PACRG: variants seen among roughly 807,000 people sequenced by gnomAD.
PACRG encodes parkin coregulated gene protein.
In PACRG, 29 loss-of-function variants were observed where a neutral mutation model predicts 29.7. The observed-to-expected ratio is 0.98, with a 90% CI of 0.73 to 1.33. PACRG has a LOEUF of 1.33. Ranked by LOEUF, PACRG falls within the 40% of genes most tolerant of loss-of-function variation. PACRG has a pLI of 0.00. For synonymous variants in PACRG, 116 were observed against 118.7 expected (o/e 0.98, Z 0.15); for missense variants, 279 against 316.2 (o/e 0.88, Z 0.89).
At chr6:162,776,585 G>A (rs1783660595) in intron 1 of PACRG, among the ~76,000 whole-genome samples, 1 of 152,178 alleles carries the variant, frequency 6.6e-6, no homozygotes, top group South Asian at 2.1e-4. Flanking sequence ...CCTGCCCTGG[G>A]CCTCAACATC....
intron 1 of PACRG, among the ~76,000 whole-genome samples, chr6:162,755,099 C>G (rs911572228): frequency 4.5e-4 from 68 of 152,136 alleles, no homozygotes; most frequent in African/African-American, 1.6e-3. Flanking sequence ...ATACTGGTTT[C>G]TTATGATCCT....
intron 2 of PACRG, among the ~76,000 whole-genome samples, chr6:162,984,900 G>C (rs2128176615): frequency 6.6e-6 from 1 of 151,182 alleles, no homozygotes; most frequent in Middle Eastern, 3.4e-3. Flanking sequence ...TGTGGATTCT[G>C]GATATTCATC....
At chr6:163,054,972 G>C (rs1049254042) in intron 2 of PACRG, among the ~76,000 whole-genome samples, 1 of 152,130 alleles carries the variant, frequency 6.6e-6, no homozygotes, top group African/African-American at 2.4e-5. Context: ...GCCAGTGTTG[G>C]GGGTACAACT....
intron 2 of PACRG, among the ~76,000 whole-genome samples, chr6:162,995,937 C>G (rs1430473027): frequency 6.6e-6 from 1 of 152,088 alleles, no homozygotes; most frequent in Non-Finnish European, 1.5e-5. Flanking sequence ...GATTTCAATT[C>G]CTTTGAATAT....
intron 2 of PACRG, among the ~76,000 whole-genome samples, chr6:162,910,579 A>G (rs894439319): frequency 2.0e-5 from 3 of 152,252 alleles, no homozygotes; most frequent in Admixed American, 6.5e-5. Context: ...AAAAACCATT[A>G]TATTAAACCT....
At chr6:162,909,280 G>T (rs1212199359) in intron 2 of PACRG, among the ~76,000 whole-genome samples, 1 of 152,046 alleles carries the variant, frequency 6.6e-6, no homozygotes. Context: ...CCTTGGCCAG[G>T]CGCGGGGGCT....
rs1346484853 is a variant in PACRG at position 162,747,470 on chromosome 6, A to G, written c.156+19079A>G. Among the ~76,000 whole-genome samples the G allele has an allele frequency of 6.1e-5, 3 of 48,904 alleles. 1 individual carries two copies. The highest frequency in any genetic ancestry group is 1.1e-4 in the Non-Finnish European group (3 of 27,372). 32.1% of individuals were successfully genotyped at this position (48,904 alleles called of 152,430 possible). On this transcript the variant is annotated intron_variant, in intron 1 of 4. Coordinates refer to ENST00000366888, the MANE Select transcript of PACRG (RefSeq NM_001080379.2). ...TATATATAACTATAAATATATATGT[A>G]AAACTATATATATATATATATATTC...
intron 3 of PACRG, among the ~76,000 whole-genome samples, chr6:163,068,275 G>C (rs1022877504): frequency 3.3e-5 from 5 of 152,142 alleles, no homozygotes; most frequent in African/African-American, 1.2e-4. Context: ...CATCAAGCTT[G>C]ATTATGAGTT....
intron 2 of PACRG, among the ~76,000 whole-genome samples, chr6:163,027,305 T>C (rs1437162834): frequency 6.6e-6 from 1 of 152,234 alleles, no homozygotes; most frequent in African/African-American, 2.4e-5. Flanking sequence ...GATTTTTTCA[T>C]CTTTTAATAC....
intron 4 of PACRG, among the ~76,000 whole-genome samples, chr6:163,132,993 G>C (rs1816797064): frequency 6.6e-6 from 1 of 152,188 alleles, no homozygotes; most frequent in Non-Finnish European, 1.5e-5. Context: ...GTATGAGTTA[G>C]GTTAAGCTAG....
At chr6:163,312,394 C>T (rs2128194256) in intron 4 of PACRG, among the ~76,000 whole-genome samples, 1 of 152,242 alleles carries the variant, frequency 6.6e-6, no homozygotes, top group South Asian at 2.1e-4. Flanking sequence ...TCATCCTGCC[C>T]ACCTTCTTCC....
At chr6:163,235,928 A>G (rs537676568) in intron 4 of PACRG, among the ~76,000 whole-genome samples, 26 of 120,896 alleles carry the variant, frequency 2.2e-4, no homozygotes, top group African/African-American at 9.3e-4. Flanking sequence ...AGAAAGGAAA[A>G]AAGTTGTTTT....
chr6:163,272,070 G>A (rs1172586971), intron 4 of PACRG, among the ~76,000 whole-genome samples: 2 of 137,282 alleles, frequency 1.5e-5, no homozygotes, highest in Non-Finnish European at 3.0e-5. Flanking sequence ...ATGGAGTCTC[G>A]CTCTCTCACC....
chr6:163,029,317 TG>T (rs1375922309), intron 2 of PACRG, among the ~76,000 whole-genome samples: 1 of 152,210 alleles, frequency 6.6e-6, no homozygotes, highest in African/African-American at 2.4e-5. Flanking sequence ...GATACACTTG[TG>T]TTGTTTTAAT....
intron 4 of PACRG, among the ~76,000 whole-genome samples, chr6:163,273,344 G>GT (rs1783910645): frequency 6.6e-6 from 1 of 152,026 alleles, no homozygotes; most frequent in Admixed American, 6.6e-5. Context: ...ATCTTAAGGT[G>GT]TTTTTTTGTT....
rs992060060 is a variant in PACRG at position 162,788,013 on chromosome 6, C to A, written c.157-26134C>A. On this transcript the variant is annotated intron_variant, in intron 1 of 4. Coordinates refer to ENST00000366888, the MANE Select transcript of PACRG (RefSeq NM_001080379.2). ...GGTACGTTTGTTACAACTGATGAAC[C>A]TGCACTGACACATCATTGTCCACCA... is the stretch of plus-strand genomic sequence containing the variant. Among the ~76,000 whole-genome samples the A allele has an allele frequency of 8.5e-5, 13 of 152,180 alleles. 1 individual carries two copies. Among genetic ancestry groups the A allele is most frequent in the African/African-American group, 3.1e-4 (13 of 41,530 alleles).
intron 4 of PACRG, among the ~76,000 whole-genome samples, chr6:163,174,945 C>T (rs1440122054): frequency 6.6e-6 from 1 of 152,142 alleles, no homozygotes; most frequent in African/African-American, 2.4e-5. Context: ...CTCAGAAAGA[C>T]AAAATGTTTG....
intron 2 of PACRG, among the ~76,000 whole-genome samples, chr6:162,910,426 G>T (rs1796226428): frequency 6.6e-6 from 1 of 152,128 alleles, no homozygotes; most frequent in African/African-American, 2.4e-5. Context: ...GTATAAGATT[G>T]TAACATGAAC....
chr6:162,935,491 C>T (rs1186129942), intron 2 of PACRG, among the ~76,000 whole-genome samples: 2 of 148,550 alleles, frequency 1.3e-5, no homozygotes, highest in South Asian at 2.1e-4. Context: ...TTGAAGTTCT[C>T]AATTGTATTT....
Sources: allele counts gnomAD v4.1 joint callset (sites outside exome capture counted in the v4.1 genomes callset), GRCh38; gene constraint gnomAD v4.1.1; transcripts MANE v1.5; gene names NCBI Gene and HGNC (gene_info 2026-07-23, HGNC 2026-07-21).